Variants in PTPRT observed in about 807,000 individuals in gnomAD.
The protein encoded by PTPRT is protein tyrosine phosphatase receptor type T.
Under a neutral mutation model 176.8 loss-of-function variants are expected in PTPRT, and 56 were observed. That is an observed-to-expected ratio of 0.32 (90% confidence interval 0.26 to 0.40). The LOEUF (loss-of-function observed/expected upper bound fraction) is 0.40. PTPRT is among the 10% of genes least tolerant of loss of function. PTPRT has a pLI of 1.00. For synonymous variants in PTPRT, 783 were observed against 739.0 expected (o/e 1.06, Z -0.96); for missense variants, 1,540 against 1,908.2 (o/e 0.81, Z 3.60).
Position 42,314,399 on chromosome 20 carries a change from G to A in PTPRT, c.2139+1324C>T, listed in dbSNP as rs564438128. Reference sequence around the variant, plus strand: ...AAAAAATTAGCTGGGTGTGGTGGTGGGCACCTGTAGTCCCAGCTACTCGGG... The same window carrying A: ...AAAAAATTAGCTGGGTGTGGTGGTGAGCACCTGTAGTCCCAGCTACTCGGG... On this transcript the variant is annotated intron_variant, in intron 12 of 30. Transcript: ENST00000373187. Among the ~76,000 whole-genome samples the A allele has an allele frequency of 4.2e-3, 632 of 151,728 alleles. 3 individuals are homozygous for A. Among genetic ancestry groups the A allele is most frequent in the African/African-American group, 0.014 (588 of 41,392 alleles).
chr20:42,857,595 C>T (rs2078588076), intron 2 of PTPRT, among the ~76,000 whole-genome samples: 2 of 152,170 alleles, frequency 1.3e-5, no homozygotes, highest in African/African-American at 4.8e-5. Flanking sequence ...TTCCCTGGAG[C>T]TCAGCGACTG....
At chr20:42,056,500 C>G in the PTPRT span, among the ~76,000 whole-genome samples, 1 of 152,138 alleles carries the variant, frequency 6.6e-6, no homozygotes, top group African/African-American at 2.4e-5. Context: ...AACCATTCAC[C>G]AAATATCTTC....
chr20:42,417,986 A>C (rs1273460691), intron 9 of PTPRT, among the ~76,000 whole-genome samples: 2 of 152,110 alleles, frequency 1.3e-5, no homozygotes, highest in African/African-American at 4.8e-5. Flanking sequence ...ACAATGTTCC[A>C]GAAGTTCTCA....
At chr20:42,925,873 CA>C (rs1979450104) in intron 1 of PTPRT, among the ~76,000 whole-genome samples, 1 of 152,220 alleles carries the variant, frequency 6.6e-6, no homozygotes, top group South Asian at 2.1e-4. Flanking sequence ...AAGGAGCTGT[CA>C]ACTGCACATG....
intron 16 of PTPRT, among the ~76,000 whole-genome samples, chr20:42,176,971 C>T (rs1015252895): frequency 6.6e-5 from 10 of 152,254 alleles, no homozygotes; most frequent in Admixed American, 3.9e-4. Flanking sequence ...ACAAAGACAA[C>T]GGGACATTAA....
At chr20:42,664,230 A>C (rs1213012525) in intron 7 of PTPRT, among the ~76,000 whole-genome samples, 1 of 152,092 alleles carries the variant, frequency 6.6e-6, no homozygotes, top group Non-Finnish European at 1.5e-5. Flanking sequence ...TTTTCTATCA[A>C]TGTGATTACA....
At chr20:42,680,549 C>T (rs1055154416) in intron 6 of PTPRT, among the ~76,000 whole-genome samples, 1 of 152,112 alleles carries the variant, frequency 6.6e-6, no homozygotes, top group African/African-American at 2.4e-5. Context: ...TCCAATGAGG[C>T]CCCAGGGGTG....
At position 42,771,423 on chromosome 20, in the gene PTPRT, T is replaced by C. The variant is rs201435211; in HGVS notation, c.684+12A>G. 4.4e-6 allele frequency: 7 copies of C among 1,605,308 alleles called. No homozygotes were observed. The Admixed American group carries it at 1.2e-4, about 27-fold the overall frequency. The stretch of plus-strand genomic sequence containing the variant: ...CCTAACGAGTCTGAGCAGAGGCTTC[T>C]CTCATGCTTACCTGGAGCCAAAGCT... On this transcript the variant is annotated intron_variant, in intron 5 of 30. Transcript: ENST00000373187.
At chr20:43,052,291 G>T (rs1473248152) in intron 1 of PTPRT, among the ~76,000 whole-genome samples, 2 of 152,162 alleles carry the variant, frequency 1.3e-5, no homozygotes, top group Non-Finnish European at 2.9e-5. Flanking sequence ...CATGTTTACT[G>T]AACCCACCTG....
intron 2 of PTPRT, among the ~76,000 whole-genome samples, chr20:42,873,992 T>TTTA (rs60116731): frequency 0.039 from 6,008 of 152,306 alleles, 299 homozygotes; most frequent in African/African-American, 0.11. Context: ...AAAACCTGTT[T>TTTA]CTTTACTAAG....
intron 15 of PTPRT, among the ~76,000 whole-genome samples, chr20:42,203,039 T>C (rs576052872): frequency 6.6e-6 from 1 of 152,324 alleles, no homozygotes; most frequent in East Asian, 1.9e-4. Context: ...ATATATTACA[T>C]CCTTAGTATT....
chr20:42,931,163 C>T (rs372134491), intron 1 of PTPRT, among the ~76,000 whole-genome samples: 197 of 152,208 alleles, frequency 1.3e-3, no homozygotes, highest in African/African-American at 4.0e-3. Context: ...TAAATATTCA[C>T]GTGTTGAAGC....
intron 2 of PTPRT, among the ~76,000 whole-genome samples, chr20:42,868,765 A>G (rs1218565959): frequency 5.3e-5 from 8 of 152,236 alleles, no homozygotes; most frequent in South Asian, 2.1e-4. Context: ...AAAGATCTCT[A>G]AAGTTGTCAC....
chr20:42,651,447 T>C (rs2075029383), intron 7 of PTPRT, among the ~76,000 whole-genome samples: 1 of 152,180 alleles, frequency 6.6e-6, no homozygotes. Context: ...TATGAGCTAG[T>C]CATATTTTGT....
chr20:42,094,207 A>G (rs1984953322), intron 27 of PTPRT, among the ~76,000 whole-genome samples: 1 of 152,196 alleles, frequency 6.6e-6, no homozygotes, highest in Non-Finnish European at 1.5e-5. Flanking sequence ...AAGAGCAAAC[A>G]GGGTTTTGCA....
intron 7 of PTPRT, among the ~76,000 whole-genome samples, chr20:42,578,033 G>C (rs936723913): frequency 1.3e-5 from 2 of 151,894 alleles, no homozygotes; most frequent in African/African-American, 2.4e-5. Flanking sequence ...CTGGAAGGCA[G>C]AGCCCATCTG....
intron 1 of PTPRT, among the ~76,000 whole-genome samples, chr20:43,035,258 G>A (rs984647698): frequency 2.0e-5 from 3 of 151,628 alleles, no homozygotes; most frequent in Admixed American, 6.6e-5. Context: ...AAACCACCCA[G>A]GAAGTGGATC....
the PTPRT span, chr20:42,064,050 T>C: frequency 2.0e-5 from 3 of 151,128 alleles, no homozygotes; most frequent in Non-Finnish European, 1.5e-5. Context: ...GATCAGGGGA[T>C]ACTAGATAAT....
chr20:42,136,060 CCTT>C (rs1215016005), intron 18 of PTPRT, among the ~76,000 whole-genome samples: 4 of 152,038 alleles, frequency 2.6e-5, no homozygotes, highest in Non-Finnish European at 1.5e-5. Flanking sequence ...AACCACAACT[CCTT>C]CTCCCTCCCT....
Sources: allele counts gnomAD v4.1 joint callset (sites outside exome capture counted in the v4.1 genomes callset), GRCh38; gene constraint gnomAD v4.1.1; transcripts MANE v1.5; gene names NCBI Gene and HGNC (gene_info 2026-07-23, HGNC 2026-07-21).